The following SCN8A variants were observed in gnomAD, a reference collection of about 807,000 sequenced individuals.
The protein encoded by SCN8A is sodium voltage-gated channel alpha subunit 8.
A neutral mutation model predicts 184.1 loss-of-function variants in SCN8A; 30 were observed. The ratio of observed to expected loss-of-function variants is 0.16; its 90% CI spans 0.12 to 0.22. SCN8A has a LOEUF of 0.22. Among genes scored for constraint, SCN8A ranks in the 10% least tolerant of loss-of-function variants. The pLI is 1.00. For synonymous variants in SCN8A, 852 were observed against 907.0 expected, an observed-to-expected ratio of 0.94 and a Z score of 1.09; for missense variants, 1,057 against 2,498.9, an observed-to-expected ratio of 0.42 and a Z score of 12.30.
chr12:51,708,563 A>G (rs1223066292), intron 11 of SCN8A, among the ~76,000 whole-genome samples: 1 of 152,140 alleles, frequency 6.6e-6, no homozygotes, highest in Non-Finnish European at 1.5e-5. Context: ...CTTTTTTCCC[A>G]GAGATGATTC....
chr12:51,713,576 G>C (rs1941917231), intron 11 of SCN8A: 12 of 705,424 alleles, frequency 1.7e-5, no homozygotes. Flanking sequence ...GAGTCGGACT[G>C]GGGGCGACCA....
intron 22 of SCN8A, 29 bp downstream of exon 22, chr12:51,786,855 C>T: frequency 6.3e-7 from 1 of 1,590,660 alleles, no homozygotes; most frequent in South Asian, 1.2e-5. Flanking sequence ...TTTGTTTTTT[C>T]AGTTCTGTGA....
chr12:51,686,469 AT>A lies in SCN8A; in HGVS notation c.485+15del. The A allele has an allele frequency of 6.6e-7, 1 of 1,523,272 alleles. No individual in the cohort carries two copies. The highest frequency in any genetic ancestry group is 9.1e-7 in the Non-Finnish European group (1 of 1,098,144). 94.4% of individuals were successfully genotyped at this position (1,523,272 alleles called of 1,614,324 possible). ...TCGAAGAATGTGGAGTAAGTAACTC[AT>A]TTATGTGTGTGCTTGTTTGTTTTAA... On this transcript the variant is annotated intron_variant, in intron 4 of 26. Transcript: ENST00000627620.
chr12:51,807,316 C>T lies in SCN8A; in HGVS notation c.5830C>T (p.Leu1944Phe). The change falls in exon 27 of 27, where the codon CTC (leucine) becomes TTC (phenylalanine). Residue 1944 changes from leucine (L) to phenylalanine (F), a missense_variant. Coordinates refer to ENST00000627620, the MANE Select transcript of SCN8A (RefSeq NM_001330260.2). This position sits in a 1 kb window ranked among gnomAD's most constrained non-coding sequence, Gnocchi z 4.5. The part of the protein sequence containing the change: ...KKESTPSTAS[L>F]PSYDSVTKPE... ...AGAGAGCACCCCATCTACAGCCTCCCTCCCGTCCTATGACAGTGTAACTAA... is the reference window on the plus strand; with the variant it reads ...AGAGAGCACCCCATCTACAGCCTCCTTCCCGTCCTATGACAGTGTAACTAA... The T allele has an allele frequency of 6.2e-7, 1 of 1,613,914 alleles. No individual in the cohort carries two copies. Among genetic ancestry groups the T allele is most frequent in the South Asian group, 1.1e-5 (1 of 91,064 alleles).
chr12:51,682,731 TCACA>T (rs1302962934), intron 2 of SCN8A, among the ~76,000 whole-genome samples: 7 of 152,218 alleles, frequency 4.6e-5, no homozygotes, highest in African/African-American at 1.7e-4. Flanking sequence ...GCTCTTTCAC[TCACA>T]CAGTGAGATG....
chr12:51,789,510 T>A, intron 24 of SCN8A, 92 bp downstream of exon 24: 1 of 1,359,052 alleles, frequency 7.4e-7, no homozygotes, highest in Non-Finnish European at 1.0e-6. Flanking sequence ...TGTCCCTCTT[T>A]CTTTCTCTAA....
intron 11 of SCN8A, among the ~76,000 whole-genome samples, chr12:51,709,152 A>G (rs1307697648): frequency 1.3e-5 from 2 of 152,200 alleles, no homozygotes; most frequent in Non-Finnish European, 2.9e-5. Flanking sequence ...ATAAGAAAAA[A>G]GGGATGGTCT....
intron 1 of SCN8A, among the ~76,000 whole-genome samples, chr12:51,616,473 A>G (rs567225427): frequency 6.9e-4 from 105 of 152,234 alleles, no homozygotes; most frequent in Non-Finnish European, 1.2e-3. Flanking sequence ...TTAGCCAGAC[A>G]TGGTGGTGGG....
rs1016000227 is a variant in SCN8A at position 51,807,311 on chromosome 12, C to T, written c.5825C>T (p.Ala1942Val). The T allele has an allele frequency of 6.2e-7, 1 of 1,613,754 alleles. No individual in the cohort carries two copies. The highest frequency in any genetic ancestry group is 1.3e-5 in the African/African-American group (1 of 74,902). The change falls in exon 27 of 27, where the codon GCC becomes GTC. Residue 1942 changes from alanine to valine, a missense_variant. Physicochemically the swap from Ala to Val is moderately conservative, Grantham distance 64. Transcript: ENST00000627620. The surrounding 1 kb of genome is among the most constrained non-coding windows in gnomAD (Gnocchi z 4.5). Reference protein sequence around the residue: ...REKKESTPSTASLPSYDSVTK... With the variant: ...REKKESTPSTVSLPSYDSVTK... ...AAAAAAGAGAGCACCCCATCTACAG[C>T]CTCCCTCCCGTCCTATGACAGTGTA...
rs1942892747 is a variant in SCN8A, at chr12:51,769,664, TC to T, written c.3373-202del. Among the ~76,000 whole-genome samples the T allele has an allele frequency of 7.9e-5, 12 of 152,256 alleles. No homozygotes were observed. In the South Asian group the frequency reaches 2.5e-3, roughly 32 times the overall value. ...TTTAGCTTTGGGTGGGTCATTGCCGTCCGTGAGTAGGTTTTGATGTTATATC... is the reference window on the plus strand; with the variant it reads ...TTTAGCTTTGGGTGGGTCATTGCCGTCGTGAGTAGGTTTTGATGTTATATC... On this transcript the variant is annotated intron_variant, in intron 17 of 26. Transcript: ENST00000627620.
intron 7 of SCN8A, 85 bp downstream of exon 7, chr12:51,699,876 G>A: frequency 8.1e-7 from 1 of 1,230,910 alleles, no homozygotes. Context: ...GCTTAAAAAA[G>A]TAGTTGGAGG....
chr12:51,614,856 G>A (rs1389788295), intron 1 of SCN8A, among the ~76,000 whole-genome samples: 1 of 146,960 alleles, frequency 6.8e-6, no homozygotes, highest in African/African-American at 2.5e-5. Flanking sequence ...ATTGTATTGT[G>A]GTAAGAACAT....
intron 2 of SCN8A, among the ~76,000 whole-genome samples, chr12:51,668,331 C>T (rs1941072762): frequency 6.6e-6 from 1 of 152,146 alleles, no homozygotes; most frequent in South Asian, 2.1e-4. Context: ...CTAGTTCATC[C>T]TCCTCATTTT....
chr12:51,655,018 G>C (rs1390404267), intron 1 of SCN8A, among the ~76,000 whole-genome samples: 1 of 152,098 alleles, frequency 6.6e-6, no homozygotes, highest in Non-Finnish European at 1.5e-5. Flanking sequence ...TGGTGCTTTA[G>C]CTACCCAAGT....
intron 1 of SCN8A, among the ~76,000 whole-genome samples, chr12:51,628,370 G>C (rs907923906): frequency 6.6e-6 from 1 of 152,200 alleles, no homozygotes; most frequent in Non-Finnish European, 1.5e-5. Flanking sequence ...AAAGTCCCTT[G>C]CTTCTGCAGA....
intron 4 of SCN8A, 100 bp from the exon 5 acceptor site, chr12:51,686,991 C>A: frequency 8.0e-7 from 1 of 1,246,938 alleles, no homozygotes; most frequent in Non-Finnish European, 1.2e-6. Context: ...TCTGTTTTGT[C>A]TCTCTTAGTT....
intron 1 of SCN8A, among the ~76,000 whole-genome samples, chr12:51,620,710 ATGTG>A (rs2138595716): frequency 6.6e-6 from 1 of 151,282 alleles, no homozygotes; most frequent in Non-Finnish European, 1.5e-5. Context: ...GAAAAAAACT[ATGTG>A]TGGTGATTCA....
chr12:51,640,502 A>G (rs1940429718), intron 1 of SCN8A, among the ~76,000 whole-genome samples: 1 of 151,984 alleles, frequency 6.6e-6, no homozygotes, highest in Non-Finnish European at 1.5e-5. Context: ...CAACTGTCCC[A>G]AGCAGCAATA....
At chr12:51,802,377 A>C (rs2138934546) in intron 26 of SCN8A, among the ~76,000 whole-genome samples, 1 of 151,438 alleles carries the variant, frequency 6.6e-6, no homozygotes, top group East Asian at 1.9e-4. Flanking sequence ...TTACAAGCTC[A>C]GTGTCCCCAG....
Sources: allele counts gnomAD v4.1 joint callset (sites outside exome capture counted in the v4.1 genomes callset), GRCh38; gene constraint gnomAD v4.1.1; non-coding constraint Gnocchi (gnomAD v3.1); transcripts MANE v1.5; gene names NCBI Gene and HGNC (gene_info 2026-07-23, HGNC 2026-07-21).